Variants in PLAC1 observed in about 807,000 individuals in gnomAD.
PLAC1 encodes the protein placenta associated 1.
For synonymous variants in PLAC1, 68 were observed against 62.1 expected (o/e 1.09, Z -0.44); for missense variants, 136 against 163.2 (o/e 0.83, Z 0.91).
chrX:134,736,783 C>A (rs1312034559), intron 1 of PLAC1, among the ~76,000 whole-genome samples: 1 of 112,260 alleles, frequency 8.9e-6, no homozygotes, highest in Admixed American at 9.4e-5. Context: ...AAAGCCATGG[C>A]CCCAGACCTC....
chrX:134,628,420 C>T (rs1011085296), intron 1 of PLAC1, among the ~76,000 whole-genome samples: 1 of 112,115 alleles, frequency 8.9e-6, no homozygotes, highest in African/African-American at 3.2e-5. Flanking sequence ...TATGACATCC[C>T]TTCTATGCCT....
At chrX:134,702,557 T>C (rs1272311064) in intron 2 of PLAC1, among the ~76,000 whole-genome samples, 1 of 111,525 alleles carries the variant, frequency 9.0e-6, no homozygotes, top group Non-Finnish European at 1.9e-5. Flanking sequence ...TGAGTACATA[T>C]GGACATAAAG....
intron 2 of PLAC1, among the ~76,000 whole-genome samples, chrX:134,711,347 A>C (rs911732180): frequency 2.7e-5 from 3 of 112,644 alleles, no homozygotes; most frequent in Non-Finnish European, 3.7e-5. Flanking sequence ...CAGACACTTA[A>C]GTGCAAATAA....
chrX:134,710,517 C>G (rs1240110864), intron 2 of PLAC1, among the ~76,000 whole-genome samples: 1 of 111,495 alleles, frequency 9.0e-6, no homozygotes, highest in Non-Finnish European at 1.9e-5. Flanking sequence ...ACACAGATAT[C>G]TCAGTGTTTA....
chrX:134,578,926 T>C (rs898254671), intron 2 of PLAC1, among the ~76,000 whole-genome samples: 1 of 110,852 alleles, frequency 9.0e-6, no homozygotes, highest in African/African-American at 3.3e-5. Context: ...GTCACAGTTA[T>C]AGGGCAAATG....
intron 2 of PLAC1, among the ~76,000 whole-genome samples, chrX:134,716,021 T>C (rs888540118): frequency 1.8e-5 from 2 of 112,803 alleles, no homozygotes; most frequent in Non-Finnish European, 3.8e-5. Context: ...GCTGGTCCTC[T>C]GGGCAGCAGC....
At chrX:134,634,357 T>C (rs994859645) in intron 1 of PLAC1, among the ~76,000 whole-genome samples, 4 of 112,138 alleles carry the variant, frequency 3.6e-5, no homozygotes, top group South Asian at 3.7e-4. Context: ...AATGGCTTTA[T>C]TGAGATCTAA....
At chrX:134,611,548 CACATATGTATATATATGCATATAT>C (rs1569386787) in intron 1 of PLAC1, among the ~76,000 whole-genome samples, 2 of 105,545 alleles carry the variant, frequency 1.9e-5, no homozygotes, top group South Asian at 4.1e-4. Context: ...TATGCATATA[CACATATGTATATATATGCATATAT>C]ACATATGTAT....
At chrX:134,695,362 T>C (rs185435562) in intron 2 of PLAC1, among the ~76,000 whole-genome samples, 226 of 112,459 alleles carry the variant, frequency 2.0e-3, no homozygotes, top group Non-Finnish European at 3.0e-3. Flanking sequence ...TAATATGTAA[T>C]GGCAGAAACA....
chrX:134,741,297 C>T (rs1196146593), intron 1 of PLAC1, among the ~76,000 whole-genome samples: 3 of 111,614 alleles, frequency 2.7e-5, no homozygotes, highest in South Asian at 3.7e-4. Flanking sequence ...AAAGTATACC[C>T]GTAACGAATG....
intron 1 of PLAC1, among the ~76,000 whole-genome samples, chrX:134,635,110 A>C (rs1479159730): frequency 3.6e-5 from 4 of 111,641 alleles, no homozygotes; most frequent in African/African-American, 9.8e-5. Flanking sequence ...ATGCAATCTT[A>C]AGTTGTTAAG....
chrX:134,580,352 G>A (rs995034255), intron 2 of PLAC1, among the ~76,000 whole-genome samples: 1 of 112,103 alleles, frequency 8.9e-6, no homozygotes, highest in Non-Finnish European at 1.9e-5. Flanking sequence ...AGGGCTGTAC[G>A]TGCAGTATCT....
At chrX:134,568,681 C>T (rs981348200) in intron 2 of PLAC1, among the ~76,000 whole-genome samples, 14 of 111,337 alleles carry the variant, frequency 1.3e-4, no homozygotes, top group African/African-American at 4.6e-4. Context: ...AACCTACTCC[C>T]TTTCTCTCCC....
At chrX:134,762,390 C>T (rs2147855592) in intron 1 of PLAC1, among the ~76,000 whole-genome samples, 1 of 111,918 alleles carries the variant, frequency 8.9e-6, no homozygotes, top group East Asian at 2.8e-4. Flanking sequence ...TCACCCAGGT[C>T]ACAGAGAACA....
chrX:134,579,581 C>T (rs2077964371), intron 2 of PLAC1, among the ~76,000 whole-genome samples: 2 of 111,193 alleles, frequency 1.8e-5, no homozygotes, highest in East Asian at 2.8e-4. Flanking sequence ...ATGCATGACT[C>T]GGGGAAGCTG....
chrX:134,572,425 C>T (rs1434851144), intron 2 of PLAC1, among the ~76,000 whole-genome samples: 1 of 112,086 alleles, frequency 8.9e-6, no homozygotes, highest in Non-Finnish European at 1.9e-5. Flanking sequence ...GTAGAATTTA[C>T]ATTAATTTTA....
intron 2 of PLAC1, among the ~76,000 whole-genome samples, chrX:134,589,588 G>T (rs377592881): frequency 9.2e-6 from 1 of 109,226 alleles, no homozygotes; most frequent in Non-Finnish European, 1.9e-5. Context: ...TTAGCCGGGC[G>T]TGGTGGGGCA....
At position 134,566,244 on chromosome X, in the gene PLAC1, A is replaced by G. The variant is rs777828873; in HGVS notation, c.439T>C (p.Tyr147His). ...GACTGTGACAAGCTGAACACCTCGTAGCATTTCTCATCCTTCTGGGCTGTG... is the reference window on the plus strand; with the variant it reads ...GACTGTGACAAGCTGAACACCTCGTGGCATTTCTCATCCTTCTGGGCTGTG... ...RATAQKDEKCYEVFSLSQSSQ... is the reference protein window; with the variant it reads ...RATAQKDEKCHEVFSLSQSSQ... The change falls in exon 3 of 3, where the codon TAC becomes CAC. Residue 147 changes from tyrosine (Y) to histidine (H), a missense_variant. Transcript: ENST00000359237. The G allele has an allele frequency of 2.5e-6, 3 of 1,209,950 alleles. No homozygotes were observed. The East Asian group carries it at 8.9e-5, about 36-fold the overall frequency.
intron 2 of PLAC1, among the ~76,000 whole-genome samples, chrX:134,724,431 G>A (rs2078667744): frequency 1.8e-5 from 2 of 112,154 alleles, no homozygotes; most frequent in Admixed American, 1.9e-4. Flanking sequence ...GACAAGCCAG[G>A]TGCATTTTTC....
Sources: gnomAD v4.1 joint callset for allele counts (sites outside exome capture counted in the v4.1 genomes callset) on GRCh38, gnomAD v4.1.1 for gene constraint, MANE v1.5 for transcripts, NCBI Gene and HGNC (gene_info 2026-07-23, HGNC 2026-07-21) for gene names.